The following ATXN1 variants were observed in gnomAD, a reference collection of about 807,000 sequenced individuals.
The protein encoded by ATXN1 is ataxin 1, also known as ataxin-1.
In ATXN1, 8 loss-of-function variants were observed where a neutral mutation model predicts 56.4. The observed-to-expected ratio is 0.14, with a 90% CI of 0.08 to 0.26. The LOEUF (loss-of-function observed/expected upper bound fraction) is 0.26, where lower values mean the gene tolerates loss of function less well. ATXN1 is among the 10% of genes least tolerant of loss of function. The pLI is 1.00. For synonymous variants in ATXN1, 514 were observed against 494.6 expected, an observed-to-expected ratio of 1.04 and a Z score of -0.52; for missense variants, 987 against 1,106.5, an observed-to-expected ratio of 0.89 and a Z score of 1.53.
At chr6:16,553,822 G>A (rs989662834) in intron 4 of ATXN1, among the ~76,000 whole-genome samples, 16 of 152,098 alleles carry the variant, frequency 1.1e-4, no homozygotes, top group African/African-American at 3.9e-4. Context: ...AGTTTTCTCT[G>A]CTTAAAGACA....
At chr6:16,687,885 C>A (rs1197369816) in intron 2 of ATXN1, among the ~76,000 whole-genome samples, 1 of 152,120 alleles carries the variant, frequency 6.6e-6, no homozygotes, top group African/African-American at 2.4e-5. Flanking sequence ...GAAACAAACA[C>A]CTCTGGCAGA....
intron 6 of ATXN1, among the ~76,000 whole-genome samples, chr6:16,355,228 A>G (rs573299865): frequency 1.6e-4 from 24 of 152,348 alleles, no homozygotes; most frequent in Non-Finnish European, 3.2e-4. Context: ...TTGGATGCCC[A>G]CAGATGCCGC....
chr6:16,506,583 G>T lies in ATXN1; in HGVS notation c.-299+16044C>A, dbSNP rs757929122. Among the ~76,000 whole-genome samples, 6 of 152,300 alleles carry T rather than the reference G, an allele frequency of 3.9e-5. No homozygotes were observed. Among genetic ancestry groups the T allele is most frequent in the East Asian group, 1.9e-4 (1 of 5,186 alleles). On this transcript the variant is annotated intron_variant, in intron 5 of 7. Coordinates refer to ENST00000436367, the MANE Select transcript of ATXN1 (RefSeq NM_001128164.2). This position sits in a 1 kb window ranked among gnomAD's most constrained non-coding sequence, Gnocchi z 4.1. ...AATCCATTTACATGATGAATTCAAT[G>T]ATATATTATAATGTCTTGTTCAGAA... is the stretch of plus-strand genomic sequence containing the variant.
At chr6:16,439,220 T>A (rs145955861) in intron 6 of ATXN1, among the ~76,000 whole-genome samples, 111 of 151,814 alleles carry the variant, frequency 7.3e-4, no homozygotes, top group African/African-American at 2.6e-3. Context: ...AGTTCCTTTA[T>A]AGTATTACTA....
intron 3 of ATXN1, among the ~76,000 whole-genome samples, chr6:16,590,187 A>T (rs1762698484): frequency 6.6e-6 from 1 of 152,246 alleles, no homozygotes; most frequent in African/African-American, 2.4e-5. Flanking sequence ...ACTAATGAAT[A>T]TGCCATAAAA....
intron 3 of ATXN1, among the ~76,000 whole-genome samples, chr6:16,637,772 A>G (rs1763626737): frequency 6.6e-6 from 1 of 152,250 alleles, no homozygotes; most frequent in African/African-American, 2.4e-5. Flanking sequence ...TACGCCAGGC[A>G]AATCGCAAGT....
intron 5 of ATXN1, among the ~76,000 whole-genome samples, chr6:16,509,352 T>C (rs1761037001): frequency 6.6e-6 from 1 of 152,156 alleles, no homozygotes; most frequent in Non-Finnish European, 1.5e-5. Context: ...CAGTAAAAAG[T>C]GTCATGAAAA....
intron 2 of ATXN1, among the ~76,000 whole-genome samples, chr6:16,731,509 G>C (rs1029088483): frequency 6.4e-5 from 6 of 94,080 alleles, no homozygotes; most frequent in Non-Finnish European, 1.2e-4. Context: ...CATTCCTCTT[G>C]CTTTCAGGAG....
chr6:16,712,114 A>G (rs2113455837), intron 2 of ATXN1, among the ~76,000 whole-genome samples: 1 of 152,272 alleles, frequency 6.6e-6, no homozygotes, highest in South Asian at 2.1e-4. Flanking sequence ...GAAATGTCCC[A>G]TATCTTGATT....
chr6:16,581,208 TGTGTGTGTGTGTGTGTGCGCGC>T (rs1005235840), intron 4 of ATXN1, among the ~76,000 whole-genome samples: 5 of 136,616 alleles, frequency 3.7e-5, no homozygotes, highest in African/African-American at 1.5e-4. Context: ...TGTGTGTGTG[TGTGTGTGTGTGTGTGTGCGCGC>T]GTGTGTGTGT....
At chr6:16,642,675 T>C (rs144664320) in intron 3 of ATXN1, among the ~76,000 whole-genome samples, 30 of 152,234 alleles carry the variant, frequency 2.0e-4, no homozygotes, top group Admixed American at 1.5e-3. Context: ...TTTTAAGAAA[T>C]TGCCACCGCC....
intron 6 of ATXN1, among the ~76,000 whole-genome samples, chr6:16,360,813 G>A (rs1031376192): frequency 2.6e-5 from 4 of 152,112 alleles, no homozygotes; most frequent in African/African-American, 4.8e-5. Flanking sequence ...ACAAGCCCAC[G>A]TCCACACCTC....
chr6:16,320,880 G>A (rs562220572), intron 7 of ATXN1, among the ~76,000 whole-genome samples: 4 of 152,342 alleles, frequency 2.6e-5, no homozygotes, highest in South Asian at 4.1e-4. Flanking sequence ...ATTCCACCCC[G>A]AGGATTACAG....
Position 16,501,371 on chromosome 6 carries a change from T to C in ATXN1, c.-298-15262A>G, listed in dbSNP as rs181407853. On this transcript the variant is annotated intron_variant, in intron 5 of 7. Coordinates refer to ENST00000436367, the MANE Select transcript of ATXN1 (RefSeq NM_001128164.2). ...GTGCAGAACATGCAGGTTTGTTACA[T>C]AGGTATACATGTGCCATGGTGGTTT... Among the ~76,000 whole-genome samples the C allele has an allele frequency of 3.0e-3, 457 of 152,332 alleles. 2 individuals are homozygous for C. Among genetic ancestry groups the C allele is most frequent in the African/African-American group, 0.01 (427 of 41,580 alleles).
chr6:16,574,070 A>C (rs191003838), intron 4 of ATXN1, among the ~76,000 whole-genome samples: 384 of 152,346 alleles, frequency 2.5e-3, no homozygotes, highest in Middle Eastern at 0.014. Flanking sequence ...TCTGTCACCC[A>C]GGCTGGAGTG....
intron 2 of ATXN1, among the ~76,000 whole-genome samples, chr6:16,751,012 A>G (rs1039981360): frequency 7.3e-6 from 1 of 136,884 alleles, no homozygotes; most frequent in Non-Finnish European, 1.5e-5. Flanking sequence ...TCTGTCGCCC[A>G]GGCTGGAGTG....
At chr6:16,714,224 C>T (rs1005735501) in intron 2 of ATXN1, among the ~76,000 whole-genome samples, 3 of 146,572 alleles carry the variant, frequency 2.0e-5, no homozygotes, top group South Asian at 2.2e-4. Flanking sequence ...CACACACACA[C>T]ACCAAAACCT....
At chr6:16,576,129 C>G (rs938534054) in intron 4 of ATXN1, among the ~76,000 whole-genome samples, 2 of 151,884 alleles carry the variant, frequency 1.3e-5, no homozygotes, top group African/African-American at 4.8e-5. Context: ...AGTCATTTGT[C>G]TTAATCCAGT....
intron 3 of ATXN1, among the ~76,000 whole-genome samples, chr6:16,624,711 A>G (rs958275850): frequency 5.3e-5 from 8 of 152,346 alleles, no homozygotes; most frequent in Non-Finnish European, 8.8e-5. Flanking sequence ...AAAAATTGTG[A>G]AAGTCTAAAG....
Sources: gnomAD v4.1 joint callset for allele counts (sites outside exome capture counted in the v4.1 genomes callset) on GRCh38, gnomAD v4.1.1 for gene constraint, Gnocchi (gnomAD v3.1) non-coding constraint, MANE v1.5 for transcripts, NCBI Gene and HGNC (gene_info 2026-07-23, HGNC 2026-07-21) for gene names.